HIP1: variants seen among roughly 807,000 people sequenced by gnomAD.
HIP1 encodes the protein huntingtin interacting protein 1, also known as huntingtin-interacting protein 1.
A neutral mutation model predicts 147.6 loss-of-function variants in HIP1; 65 were observed. The observed-to-expected ratio is 0.44, with a 90% CI of 0.36 to 0.54. The LOEUF is 0.54. HIP1 is among the 20% of genes least tolerant of loss of function. The pLI is 0.00. For synonymous variants in HIP1, 479 were observed against 504.0 expected, an observed-to-expected ratio of 0.95 and a Z score of 0.67; for missense variants, 1,061 against 1,299.6, an observed-to-expected ratio of 0.82 and a Z score of 2.82.
rs540427430 is a variant in HIP1, at chr7:75,642,104, G to GA, written c.121-42858dup. Among the ~76,000 whole-genome samples, 10 of 152,000 alleles carry GA rather than the reference G, an allele frequency of 6.6e-5. No homozygotes were observed. In the East Asian group the frequency reaches 1.4e-3, roughly 21 times the overall value. ...CCAGCCCATCCCAAATAGAAAAAAA[G>GA]AAAAAAACAACAGGCCGGGTGCAGT... On this transcript the variant is annotated intron_variant, in intron 1 of 30. Transcript: ENST00000336926.
At chr7:75,591,192 C>T (rs971867485) in intron 4 of HIP1, among the ~76,000 whole-genome samples, 4 of 152,062 alleles carry the variant, frequency 2.6e-5, no homozygotes, top group Non-Finnish European at 5.9e-5. Context: ...GCCACCACAC[C>T]CAGCTAATTT....
intron 1 of HIP1, among the ~76,000 whole-genome samples, chr7:75,685,196 T>C (rs1212188705): frequency 1.3e-4 from 20 of 152,112 alleles, no homozygotes; most frequent in Admixed American, 1.3e-3. Context: ...GAGGATCGCT[T>C]GAGCCCAAGA....
At chr7:75,694,806 G>C (rs182090294) in intron 1 of HIP1, among the ~76,000 whole-genome samples, 4 of 151,816 alleles carry the variant, frequency 2.6e-5, no homozygotes, top group Non-Finnish European at 5.9e-5. Context: ...CACCATGCCC[G>C]GCCTGGATTG....
intron 1 of HIP1, among the ~76,000 whole-genome samples, chr7:75,650,186 G>T (rs1473832656): frequency 1.3e-5 from 2 of 152,102 alleles, no homozygotes; most frequent in Non-Finnish European, 2.9e-5. Flanking sequence ...GGCCAGCAGG[G>T]GTCAGAGGGC....
chr7:75,554,589 A>G, intron 19 of HIP1, 63 bp from the exon 20 acceptor site: 1 of 1,225,962 alleles, frequency 8.2e-7, no homozygotes, highest in East Asian at 2.3e-5. Flanking sequence ...ATCCTCGTTA[A>G]TTAAGCACTG....
chr7:75,659,521 C>T (rs988289097), intron 1 of HIP1, among the ~76,000 whole-genome samples: 8 of 152,012 alleles, frequency 5.3e-5, no homozygotes, highest in South Asian at 2.1e-4. Context: ...TGGTGGCGCA[C>T]GCCTGTAATC....
At chr7:75,561,234 GTGAGCCAC>G (rs782693403) in intron 13 of HIP1, 87 bp downstream of exon 13, 10 of 930,224 alleles carry the variant, frequency 1.1e-5, no homozygotes, top group Non-Finnish European at 1.8e-5. Flanking sequence ...GATTACAGGT[GTGAGCCAC>G]TGTGCCTGGC....
At chr7:75,705,949 T>C (rs1181411925) in intron 1 of HIP1, among the ~76,000 whole-genome samples, 1 of 152,066 alleles carries the variant, frequency 6.6e-6, no homozygotes, top group African/African-American at 2.4e-5. Flanking sequence ...AGGAGTGCAG[T>C]GGCGCGATCT....
At chr7:75,642,490 G>A (rs782588941) in intron 1 of HIP1, among the ~76,000 whole-genome samples, 2 of 152,074 alleles carry the variant, frequency 1.3e-5, no homozygotes, top group Non-Finnish European at 2.9e-5. Context: ...AGCTGAGATC[G>A]CACCACTGCA....
At chr7:75,711,947 C>T (rs141552235) in intron 1 of HIP1, among the ~76,000 whole-genome samples, 50 of 152,242 alleles carry the variant, frequency 3.3e-4, no homozygotes, top group African/African-American at 1.0e-3. Flanking sequence ...TGGTGAGAAG[C>T]GCACACTCAT....
chr7:75,570,323 G>T (rs1315632624), intron 8 of HIP1, among the ~76,000 whole-genome samples: 1 of 140,688 alleles, frequency 7.1e-6, no homozygotes, highest in Non-Finnish European at 1.5e-5. Context: ...ACGATGTCTC[G>T]CTCTGTCACC....
In HIP1 at chr7:75,599,224, A is replaced by G; in HGVS notation, c.144T>C (p.Ile48=). The G allele has an allele frequency of 6.2e-7, 1 of 1,612,998 alleles. No homozygotes were observed. The highest frequency in any genetic ancestry group is 1.1e-5 in the South Asian group (1 of 91,062). ...RTQTVSINKA[I]NTQEVAVKEK... is the part of the protein sequence containing the mutation. ...CCTTTACAGCCACTTCCTGCGTATT[A>G]ATGGCCTTATTGATGCTGACAGTCT... The change falls in exon 2 of 31, where the codon ATT becomes ATC. Residue 48 remains isoleucine (I), a synonymous_variant. Coordinates refer to ENST00000336926, the MANE Select transcript of HIP1 (RefSeq NM_005338.7).
intron 1 of HIP1, among the ~76,000 whole-genome samples, chr7:75,602,043 C>T (rs1279839720): frequency 6.6e-6 from 1 of 151,370 alleles, no homozygotes; most frequent in African/African-American, 2.4e-5. Flanking sequence ...CTCTGTTGCC[C>T]AGGCTGGAGT....
intron 1 of HIP1, among the ~76,000 whole-genome samples, chr7:75,684,023 C>T (rs895307914): frequency 2.0e-5 from 3 of 151,996 alleles, no homozygotes; most frequent in African/African-American, 4.8e-5. Context: ...GTGGCTCACG[C>T]ATCCCAGCAC....
intron 1 of HIP1, among the ~76,000 whole-genome samples, chr7:75,605,283 A>G (rs587747757): frequency 6.6e-6 from 1 of 152,296 alleles, no homozygotes; most frequent in African/African-American, 2.4e-5. Context: ...CACAGATGAC[A>G]GGCCTTCTGG....
chr7:75,616,377 G>A (rs377186344), intron 1 of HIP1, among the ~76,000 whole-genome samples: 97 of 151,854 alleles, frequency 6.4e-4, no homozygotes, highest in African/African-American at 2.2e-3. Context: ...TCATGCAATC[G>A]TCCCACCTCC....
At chr7:75,642,872 G>A (rs548226905) in intron 1 of HIP1, among the ~76,000 whole-genome samples, 1 of 152,198 alleles carries the variant, frequency 6.6e-6, no homozygotes, top group Non-Finnish European at 1.5e-5. Flanking sequence ...GCTCACCTGT[G>A]AGCAAACTCA....
At chr7:75,645,464 T>G (rs907659541) in intron 1 of HIP1, among the ~76,000 whole-genome samples, 4 of 152,238 alleles carry the variant, frequency 2.6e-5, no homozygotes, top group Middle Eastern at 3.4e-3. Flanking sequence ...TGACCTCAGG[T>G]GATCTGCCTG....
At chr7:75,699,027 A>C (rs1554518991) in intron 1 of HIP1, among the ~76,000 whole-genome samples, 1 of 151,966 alleles carries the variant, frequency 6.6e-6, no homozygotes, top group Non-Finnish European at 1.5e-5. Flanking sequence ...TTTTTCTGGA[A>C]CCACTTGAAT....
Sources: allele counts gnomAD v4.1 joint callset (sites outside exome capture counted in the v4.1 genomes callset), GRCh38; gene constraint gnomAD v4.1.1; transcripts MANE v1.5; gene names NCBI Gene and HGNC (gene_info 2026-07-23, HGNC 2026-07-21).